RNF2: variants seen among roughly 807,000 people sequenced by gnomAD.
The protein encoded by RNF2 is ring finger protein 2, also known as E3 ubiquitin-protein ligase RING2.
In RNF2, 6 loss-of-function variants were observed where a neutral mutation model predicts 37.2. The ratio of observed to expected loss-of-function variants is 0.16; its 90% CI spans 0.09 to 0.32. RNF2 has a LOEUF of 0.32. Ranked by LOEUF, RNF2 falls within the 10% of genes least tolerant of loss-of-function variation. The pLI is 1.00. For synonymous variants in RNF2, 133 were observed against 132.7 expected (o/e 1.00, Z -0.02); for missense variants, 251 against 404.0 (o/e 0.62, Z 3.25).
Position 185,062,356 on chromosome 1 carries a change from T to C in RNF2, c.-3+16707T>C, listed in dbSNP as rs912809270. On this transcript the variant is annotated intron_variant, in intron 1 of 6. Transcript: ENST00000367510. Reference sequence around the variant, plus strand: ...TTCAGATAGACACACATGCATATTATATACACATAAAATATATGTGTATAT... The same window carrying C: ...TTCAGATAGACACACATGCATATTACATACACATAAAATATATGTGTATAT... Among the ~76,000 whole-genome samples, 70 of 152,206 alleles carry C rather than the reference T, an allele frequency of 4.6e-4. 2 individuals are homozygous for C. Among genetic ancestry groups the C allele is most frequent in the Non-Finnish European group, 1.9e-4 (13 of 68,036 alleles).
chr1:185,065,418 G>A (rs902570534), intron 1 of RNF2, among the ~76,000 whole-genome samples: 2 of 152,194 alleles, frequency 1.3e-5, no homozygotes, highest in African/African-American at 4.8e-5. Context: ...TGGAAGCTTT[G>A]TTGTTTTGCT....
chr1:185,067,708 CTTTTTTTT>C (rs753063280), intron 1 of RNF2, among the ~76,000 whole-genome samples: 2 of 121,156 alleles, frequency 1.7e-5, no homozygotes, highest in South Asian at 2.6e-4. Flanking sequence ...TAAAAGTATC[CTTTTTTTT>C]TTTTTTTTTT....
intron 1 of RNF2, among the ~76,000 whole-genome samples, chr1:185,080,587 G>A (rs574725634): frequency 6.6e-6 from 1 of 152,180 alleles, no homozygotes; most frequent in African/African-American, 2.4e-5. Flanking sequence ...CCATGTGGTA[G>A]TATTTAAGAC....
chr1:185,086,595 A>G (rs1023296695), intron 1 of RNF2, among the ~76,000 whole-genome samples: 1 of 152,200 alleles, frequency 6.6e-6, no homozygotes, highest in Non-Finnish European at 1.5e-5. Flanking sequence ...CACTTTCCAA[A>G]TATTTGAAAG....
In RNF2 at chr1:185,077,968, G is replaced by A. The variant is rs190942639; in HGVS notation, c.-2-9584G>A. On this transcript the variant is annotated intron_variant, in intron 1 of 6. Coordinates refer to ENST00000367510, the MANE Select transcript of RNF2 (RefSeq NM_007212.4). ...ATTTATAAAGGACAAGTAAGGGGCC[G>A]GGCGTGGTGGCTCACGCCTGTAATC... 1.1e-4 allele frequency among the ~76,000 whole-genome samples: 17 copies of A among 152,276 alleles called. No individual in the cohort carries two copies. In the East Asian group the frequency reaches 2.1e-3, roughly 19 times the overall value.
intron 3 of RNF2, 41 bp from the exon 4 acceptor site, chr1:185,093,020 A>G: frequency 6.3e-7 from 1 of 1,576,302 alleles, no homozygotes; most frequent in Non-Finnish European, 8.7e-7. Context: ...GCCCAAAGAT[A>G]CTAGCATTGT....
At chr1:185,052,790 G>A (rs1351482915) in intron 1 of RNF2, among the ~76,000 whole-genome samples, 1 of 152,156 alleles carries the variant, frequency 6.6e-6, no homozygotes, top group Non-Finnish European at 1.5e-5. Context: ...GCTGTGAAGT[G>A]CTGGGCAAAT....
At chr1:185,078,136 G>A (rs187486628) in intron 1 of RNF2, among the ~76,000 whole-genome samples, 4 of 152,020 alleles carry the variant, frequency 2.6e-5, no homozygotes, top group South Asian at 2.1e-4. Flanking sequence ...AGTCCCAGCT[G>A]CTTGGGAGAC....
intron 1 of RNF2, among the ~76,000 whole-genome samples, chr1:185,070,091 A>G (rs12408279): frequency 0.098 from 14,858 of 152,198 alleles, 944 homozygotes; most frequent in East Asian, 0.26. Flanking sequence ...CTGGTCTTTT[A>G]CATGTTAGGG....
intron 5 of RNF2, among the ~76,000 whole-genome samples, chr1:185,099,045 C>T (rs572262429): frequency 1.7e-4 from 25 of 150,114 alleles, no homozygotes; most frequent in African/African-American, 4.7e-4. Flanking sequence ...CCACTGTGCC[C>T]GGCCTCTTTT....
intron 1 of RNF2, among the ~76,000 whole-genome samples, chr1:185,051,225 T>C (rs560854326): frequency 1.3e-5 from 2 of 152,322 alleles, no homozygotes; most frequent in South Asian, 2.1e-4. Context: ...TAGAGTCTTA[T>C]TCAGTCTGGG....
intron 1 of RNF2, among the ~76,000 whole-genome samples, chr1:185,068,129 G>A (rs1396154464): frequency 6.6e-6 from 1 of 151,990 alleles, no homozygotes; most frequent in East Asian, 1.9e-4. Context: ...TCAGCCTCCT[G>A]TAAAGTGGTT....
At chr1:185,093,370 C>A in intron 4 of RNF2, 94 bp downstream of exon 4, 1 of 1,098,432 alleles carries the variant, frequency 9.1e-7, no homozygotes, top group Non-Finnish European at 1.3e-6. Context: ...AATACAGTAA[C>A]AAATAGTAGT....
At chr1:185,095,402 TTCCAAATAATC>T (rs1192493144) in intron 4 of RNF2, among the ~76,000 whole-genome samples, 1 of 152,212 alleles carries the variant, frequency 6.6e-6, no homozygotes, top group Non-Finnish European at 1.5e-5. Flanking sequence ...AGGAACCTTC[TTCCAAATAATC>T]CACATGGCAC....
chr1:185,071,155 A>G (rs1409900113), intron 1 of RNF2, among the ~76,000 whole-genome samples: 3 of 152,102 alleles, frequency 2.0e-5, no homozygotes, highest in Admixed American at 6.5e-5. Context: ...GTAAATCTAT[A>G]CTTTACATAT....
chr1:185,093,315 C>T (rs546073761), intron 4 of RNF2, 39 bp downstream of exon 4: 1 of 1,562,742 alleles, frequency 6.4e-7, no homozygotes, highest in Admixed American at 1.7e-5. Flanking sequence ...AGCTGTTTTT[C>T]TGAATACTTT....
intron 1 of RNF2, among the ~76,000 whole-genome samples, chr1:185,069,190 T>C (rs1285458978): frequency 6.6e-6 from 1 of 152,206 alleles, no homozygotes; most frequent in Non-Finnish European, 1.5e-5. Context: ...GAGTGGCTCA[T>C]GCCTGTAATC....
intron 1 of RNF2, among the ~76,000 whole-genome samples, chr1:185,072,455 T>C (rs556563581): frequency 6.1e-4 from 93 of 152,092 alleles, no homozygotes; most frequent in Non-Finnish European, 6.2e-4. Context: ...GCTATAAAAG[T>C]GCTATGGTTA....
chr1:185,048,655 C>T (rs1192382905), intron 1 of RNF2, among the ~76,000 whole-genome samples: 1 of 152,056 alleles, frequency 6.6e-6, no homozygotes, highest in South Asian at 2.1e-4. Context: ...AGATATGTTA[C>T]TTACGGGCTC....
Sources: gnomAD v4.1 joint callset for allele counts (sites outside exome capture counted in the v4.1 genomes callset) on GRCh38, gnomAD v4.1.1 for gene constraint, MANE v1.5 for transcripts, NCBI Gene and HGNC (gene_info 2026-07-23, HGNC 2026-07-21) for gene names.